The following ORC2 variants were observed in gnomAD, a reference collection of about 807,000 sequenced individuals.
The protein encoded by ORC2 is origin recognition complex protein 2 homolog.
In ORC2, 37 loss-of-function variants were observed where a neutral mutation model predicts 77.7. That is an observed-to-expected ratio of 0.48 (90% CI 0.37 to 0.63). ORC2 has a LOEUF of 0.63. Ranked by LOEUF, ORC2 falls within the 20% of genes least tolerant of loss-of-function variation. ORC2 has a pLI of 0.00. For synonymous variants in ORC2, 201 were observed against 229.5 expected (o/e 0.88, Z 1.12); for missense variants, 557 against 661.9 (o/e 0.84, Z 1.74).
chr2:200,945,339 T>C (rs538008007), intron 5 of ORC2, among the ~76,000 whole-genome samples: 1 of 152,182 alleles, frequency 6.6e-6, no homozygotes, highest in Non-Finnish European at 1.5e-5. Context: ...GTGGATCACT[T>C]GAGTCTAGGA....
intron 4 of ORC2, among the ~76,000 whole-genome samples, chr2:200,950,521 G>T (rs1395566135): frequency 6.6e-6 from 1 of 152,064 alleles, no homozygotes; most frequent in Non-Finnish European, 1.5e-5. Flanking sequence ...ATAATACTAA[G>T]ACATTAATTA....
intron 7 of ORC2, 102 bp downstream of exon 7, chr2:200,941,146 T>C (rs1453951147): frequency 9.2e-6 from 8 of 866,138 alleles, no homozygotes; most frequent in Admixed American, 2.1e-5. Context: ...TACAAAGCAC[T>C]ATATAAATTA....
At chr2:200,928,727 T>G (rs2040885753) in intron 11 of ORC2, among the ~76,000 whole-genome samples, 1 of 150,580 alleles carries the variant, frequency 6.6e-6, no homozygotes, top group African/African-American at 2.4e-5. Context: ...GGCAGGAGAA[T>G]GGCGTGAACA....
At chr2:200,946,238 C>T (rs1261558533) in intron 5 of ORC2, among the ~76,000 whole-genome samples, 1 of 151,940 alleles carries the variant, frequency 6.6e-6, no homozygotes, top group Admixed American at 6.6e-5. Context: ...GATCCTCTTA[C>T]CTTTTCCTCT....
At chr2:200,959,115 T>G (rs2041523925) in intron 2 of ORC2, among the ~76,000 whole-genome samples, 1 of 152,102 alleles carries the variant, frequency 6.6e-6, no homozygotes, top group African/African-American at 2.4e-5. Flanking sequence ...TCTGAAGTAG[T>G]TGGGATTACA....
At position 200,920,330 on chromosome 2, in the gene ORC2, G is replaced by A. The variant is rs1172131051; in HGVS notation, c.1358C>T (p.Pro453Leu). 1 of 1,613,526 alleles carries A rather than the reference G, an allele frequency of 6.2e-7. No individual in the cohort carries two copies. The highest frequency in any genetic ancestry group is 1.1e-5 in the South Asian group (1 of 91,044). ...CTCATAGGAGGTTTCTTCAGTATAA[G>A]GACTGTATGTAGTAGTTTCATACCA... ...WLWYETTTYS[P>L]YTEETSYENS... The change falls in exon 15 of 18, where the codon CCT (proline) becomes CTT (leucine). Residue 453 changes from proline to leucine, a missense_variant. Coordinates refer to ENST00000234296, the MANE Select transcript of ORC2 (RefSeq NM_006190.5).
chr2:200,915,093 G>A (rs575372824), intron 15 of ORC2, among the ~76,000 whole-genome samples: 9 of 124,286 alleles, frequency 7.2e-5, no homozygotes, highest in East Asian at 5.7e-4. Flanking sequence ...TTGGCTCACC[G>A]CAACCTCTGT....
chr2:200,932,370 T>G (rs2040959417), intron 10 of ORC2, among the ~76,000 whole-genome samples: 1 of 149,306 alleles, frequency 6.7e-6, no homozygotes, highest in African/African-American at 2.5e-5. Context: ...GACAGAGTCT[T>G]GCTCTGTCAC....
In ORC2 at chr2:200,955,833, C is replaced by A. The variant is rs2125033158; in HGVS notation, c.238+1568G>T. On this transcript the variant is annotated intron_variant, in intron 4 of 17. Transcript: ENST00000234296. The stretch of plus-strand genomic sequence containing the variant: ...GTTGTGGGGATCTGTGTTCCTTGTA[C>A]CCAGGAAAAACCTAACTAAAATATA... 1.3e-5 allele frequency among the ~76,000 whole-genome samples: 2 copies of A among 152,076 alleles called. 1 individual carries two copies. The highest frequency in any genetic ancestry group is 4.2e-4 in the South Asian group (2 of 4,812).
At chr2:200,936,634 T>A (rs971881750) in intron 8 of ORC2, among the ~76,000 whole-genome samples, 4 of 152,184 alleles carry the variant, frequency 2.6e-5, no homozygotes, top group African/African-American at 9.7e-5. Flanking sequence ...TATAGAATTT[T>A]CTGTTGCTGC....
In ORC2 at chr2:200,958,359, C is replaced by G. The variant is rs564071459; in HGVS notation, c.-10-226G>C. Among the ~76,000 whole-genome samples the G allele has an allele frequency of 3.9e-5, 6 of 152,070 alleles. No individual in the cohort carries two copies. The South Asian group carries it at 8.3e-4, about 21-fold the overall frequency. ...AAGAGATTCTGAGATTTGAGAAGAG[C>G]TAAATCCAATCAAGGTAGCTAAAAT... On this transcript the variant is annotated intron_variant, in intron 2 of 17. Transcript: ENST00000234296.
intron 4 of ORC2, among the ~76,000 whole-genome samples, chr2:200,953,114 A>C (rs79377051): frequency 6.9e-6 from 1 of 145,528 alleles, no homozygotes; most frequent in Admixed American, 6.9e-5. Context: ...CCCTGTCTCA[A>C]AAAAAAAAAA....
chr2:200,934,369 T>C (rs1268457856), intron 9 of ORC2, among the ~76,000 whole-genome samples: 1 of 151,916 alleles, frequency 6.6e-6, no homozygotes, highest in East Asian at 1.9e-4. Context: ...GGCTGCAGTG[T>C]AGTGGTGCAA....
intron 12 of ORC2, 75 bp from the exon 13 acceptor site, chr2:200,926,007 T>A: frequency 1.7e-6 from 1 of 598,574 alleles, no homozygotes; most frequent in Non-Finnish European, 2.9e-6. Context: ...ATCAAACCTT[T>A]TTTTATAAAT....
intron 5 of ORC2, among the ~76,000 whole-genome samples, chr2:200,943,717 C>T (rs2041195823): frequency 6.6e-6 from 1 of 152,066 alleles, no homozygotes; most frequent in Admixed American, 6.6e-5. Flanking sequence ...TGAAACTGAC[C>T]CAAAATACTC....
At chr2:200,952,501 T>G (rs1022988780) in intron 4 of ORC2, among the ~76,000 whole-genome samples, 1 of 152,044 alleles carries the variant, frequency 6.6e-6, no homozygotes, top group East Asian at 1.9e-4. Context: ...GACCTCATGA[T>G]CCACCCACCT....
At chr2:200,922,547 C>T (rs761856493) in intron 13 of ORC2, among the ~76,000 whole-genome samples, 24 of 150,824 alleles carry the variant, frequency 1.6e-4, no homozygotes, top group Admixed American at 3.3e-4. Flanking sequence ...ACTTGGCATA[C>T]GTGATAGAGT....
At chr2:200,925,041 T>C (rs532016054) in intron 13 of ORC2, among the ~76,000 whole-genome samples, 1 of 152,308 alleles carries the variant, frequency 6.6e-6, no homozygotes, top group South Asian at 2.1e-4. Flanking sequence ...ATTACAGGCG[T>C]CAGCCACTGC....
chr2:200,929,805 A>C (rs146292113), intron 11 of ORC2, among the ~76,000 whole-genome samples: 25 of 152,174 alleles, frequency 1.6e-4, no homozygotes, highest in Admixed American at 5.2e-4. Context: ...AGAAAAAAAA[A>C]AAAGAATGAC....
Sources: gnomAD v4.1 joint callset for allele counts (sites outside exome capture counted in the v4.1 genomes callset) on GRCh38, gnomAD v4.1.1 for gene constraint, MANE v1.5 for transcripts, NCBI Gene and HGNC (gene_info 2026-07-23, HGNC 2026-07-21) for gene names.